Variants in ELL observed in about 807,000 individuals in gnomAD.
The protein encoded by ELL is elongation factor for RNA polymerase II.
A neutral mutation model predicts 64.0 loss-of-function variants in ELL; 18 were observed. That is an observed-to-expected ratio of 0.28 (90% CI 0.19 to 0.42). The LOEUF is 0.42. Ranked by LOEUF, ELL falls within the 10% of genes least tolerant of loss-of-function variation. ELL has a pLI of 1.00. For synonymous variants in ELL, 399 were observed against 376.2 expected (o/e 1.06, Z -0.70); for missense variants, 797 against 870.4 (o/e 0.92, Z 1.06).
At chr19:18,506,718 C>T (rs1439393766) in intron 1 of ELL, among the ~76,000 whole-genome samples, 4 of 152,252 alleles carry the variant, frequency 2.6e-5, no homozygotes, top group Middle Eastern at 3.4e-3. Context: ...AGCAAGACCT[C>T]GTCTGAAAAA....
rs751332511 is a variant in ELL at position 18,443,899 on chromosome 19, T to C, written c.*853A>G. The C allele has an allele frequency of 4.7e-5, 11 of 232,478 alleles. No individual in the cohort carries two copies. Among genetic ancestry groups the C allele is most frequent in the Non-Finnish European group, 7.6e-5 (9 of 117,732 alleles). The allele number at this position is 232,478 out of a possible 1,614,324, so 14.4% of individuals were successfully genotyped here. A position where few individuals can be genotyped will look rare whatever the true frequency, so the allele number is the denominator to read the frequency against. ...TCGAGACCACAAGGTCTCAACAGTG[T>C]GGAATGAGCAGCAGCAGCAACAAAT... On this transcript the variant is annotated 3_prime_UTR_variant, in exon 12 of 12. Coordinates refer to ENST00000262809, the MANE Select transcript of ELL (RefSeq NM_006532.4).
intron 2 of ELL, among the ~76,000 whole-genome samples, chr19:18,468,012 CCACA>C (rs571227869): frequency 2.7e-5 from 4 of 148,640 alleles, no homozygotes; most frequent in African/African-American, 9.9e-5. Flanking sequence ...CAAACACAAC[CCACA>C]CACACAACCC....
At chr19:18,448,085 G>A (rs918763641) in intron 8 of ELL, among the ~76,000 whole-genome samples, 23 of 150,414 alleles carry the variant, frequency 1.5e-4, no homozygotes, top group African/African-American at 3.9e-4. Context: ...CACACCTGGC[G>A]AATTTTTTTT....
intron 2 of ELL, among the ~76,000 whole-genome samples, chr19:18,470,278 G>A (rs189971573): frequency 4.6e-5 from 7 of 152,390 alleles, no homozygotes; most frequent in Non-Finnish European, 7.3e-5. Context: ...TGTGTGCTTC[G>A]GCCATGGCCA....
In ELL at chr19:18,461,783, G is replaced by C; in HGVS notation, c.539C>G (p.Thr180Ser). 1 of 1,614,172 alleles carries C rather than the reference G, an allele frequency of 6.2e-7. No homozygotes were observed. Among genetic ancestry groups the C allele is most frequent in the Non-Finnish European group, 8.5e-7 (1 of 1,180,046 alleles). The part of the protein sequence containing the change: ...TDAVPSRKRA[T>S]PINLASAIRK... ...GATGGCACTCGCCAAGTTGATGGGG[G>C]TTGCCCGCTTCCGGGAGGGCACCGC... Residue 180 changes from threonine (T) to serine (S), a missense_variant, in exon 5 of 12, where the codon ACC becomes AGC. Thr to Ser is a moderately conservative substitution (Grantham distance 58). Transcript: ENST00000262809.
At chr19:18,453,028 T>G (rs1422544520) in intron 6 of ELL, among the ~76,000 whole-genome samples, 1 of 151,956 alleles carries the variant, frequency 6.6e-6, no homozygotes, top group Non-Finnish European at 1.5e-5. Flanking sequence ...TCCCAGCACT[T>G]TGGGAGGCCA....
At chr19:18,509,589 GCGCGCACATACACACACACACACA>G (rs1215458046) in intron 1 of ELL, among the ~76,000 whole-genome samples, 4 of 110,144 alleles carry the variant, frequency 3.6e-5, no homozygotes, top group African/African-American at 1.3e-4. Flanking sequence ...ACGTGCGCGC[GCGCGCACATACACACACACACACA>G]CACACACACA....
intron 10 of ELL, chr19:18,445,546 G>A (rs1974394579): frequency 3.1e-6 from 1 of 326,790 alleles, no homozygotes; most frequent in East Asian, 6.3e-5. Context: ...GTGGGGGGGT[G>A]GGGAGGGGGT....
chr19:18,450,818 G>A lies in ELL; in HGVS notation c.1124C>T (p.Thr375Met), dbSNP rs374783990. Reference protein sequence around the residue: ...LLPTPGPPASTDTLSSSTHLP... With the variant: ...LLPTPGPPASMDTLSSSTHLP... ...GTGAGTGCTGGAGCTGAGGGTGTCC[G>A]TGCTGGCTGGTGGGCCCGGGGTGGG... Residue 375 changes from threonine (T) to methionine (M), a missense_variant, in exon 8 of 12, where the codon ACG (threonine) becomes ATG (methionine). Thr to Met is a moderately conservative substitution (Grantham distance 81). Transcript: ENST00000262809. The A allele has an allele frequency of 7.6e-5, 120 of 1,586,014 alleles. 1 individual carries two copies. In the African/African-American group the frequency reaches 8.3e-4, roughly 11 times the overall value.
In ELL at chr19:18,465,790, G is replaced by A. The variant is rs939332145; in HGVS notation, c.305+7C>T. Reference sequence around the variant, plus strand: ...GCGGGGTGCTCTGGGGTGGGGCGGCGCCTCACCTGGAGACATACTGCTGGA... The same window carrying A: ...GCGGGGTGCTCTGGGGTGGGGCGGCACCTCACCTGGAGACATACTGCTGGA... On this transcript the variant is annotated splice_region_variant and intron_variant, in intron 3 of 11. Transcript: ENST00000262809. The A allele has an allele frequency of 1.8e-5, 26 of 1,418,648 alleles. No homozygotes were observed. Among genetic ancestry groups the A allele is most frequent in the Admixed American group, 1.1e-4 (4 of 36,746 alleles). 87.9% of individuals were successfully genotyped at this position (1,418,648 alleles called of 1,614,324 possible).
At chr19:18,513,559 T>C (rs1976070971) in intron 1 of ELL, among the ~76,000 whole-genome samples, 3 of 152,028 alleles carry the variant, frequency 2.0e-5, no homozygotes, top group Admixed American at 2.0e-4. Context: ...TAATTTTAGG[T>C]ACATTGCAGG....
rs777558208 is a variant in ELL, at chr19:18,450,521, G to C, written c.1421C>G (p.Ala474Gly). ...DKPRAQLPDCAPATHATPGAP... is the reference protein window; with the variant it reads ...DKPRAQLPDCGPATHATPGAP... ...TCCGGGGGTGGCATGGGTGGCAGGTGCACAGTCTGGAAGCTGGGCCCGGGG... is the reference window on the plus strand; with the variant it reads ...TCCGGGGGTGGCATGGGTGGCAGGTCCACAGTCTGGAAGCTGGGCCCGGGG... The change falls in exon 8 of 12, where the codon GCA becomes GGA. Residue 474 changes from alanine (A) to glycine (G), a missense_variant. By Grantham distance (60) the Ala-to-Gly change is moderately conservative. Coordinates refer to ENST00000262809, the MANE Select transcript of ELL (RefSeq NM_006532.4). 2 of 1,613,270 alleles carry C rather than the reference G, an allele frequency of 1.2e-6. No homozygotes were observed. Among genetic ancestry groups the C allele is most frequent in the Non-Finnish European group, 1.7e-6 (2 of 1,179,940 alleles).
At chr19:18,492,879 G>A (rs1281868338) in intron 1 of ELL, among the ~76,000 whole-genome samples, 5 of 152,138 alleles carry the variant, frequency 3.3e-5, no homozygotes, top group African/African-American at 9.7e-5. Flanking sequence ...AAATGGGGCC[G>A]TGAAGTCCCA....
chr19:18,468,065 C>A (rs1340571851), intron 2 of ELL, among the ~76,000 whole-genome samples: 1 of 144,358 alleles, frequency 6.9e-6, no homozygotes, highest in Non-Finnish European at 1.5e-5. Context: ...CACACACAAA[C>A]CCCTCCACAC....
chr19:18,458,205 C>T lies in ELL; in HGVS notation c.869G>A (p.Arg290Gln), dbSNP rs1302090596. 1.2e-6 allele frequency: 2 copies of T among 1,608,918 alleles called. No individual in the cohort carries two copies. The highest frequency in any genetic ancestry group is 1.1e-5 in the South Asian group (1 of 91,056). Reference sequence around the variant, plus strand: ...GCTGGGGGATGGGAGGCGGCATTACCGGACGAGCACCCGCTTCAGCAGCTG... The same window carrying T: ...GCTGGGGGATGGGAGGCGGCATTACTGGACGAGCACCCGCTTCAGCAGCTG... Reference protein sequence around the residue: ...DQQLLKRVLVRKLCQPQSTGS... With the variant: ...DQQLLKRVLVQKLCQPQSTGS... Residue 290 changes from arginine to glutamine, a missense_variant and splice_region_variant, in exon 6 of 12, where the codon CGG becomes CAG. Arg to Gln is a conservative substitution (Grantham distance 43, BLOSUM62 1). Coordinates refer to ENST00000262809, the MANE Select transcript of ELL (RefSeq NM_006532.4).
At position 18,461,620 on chromosome 19, in the gene ELL, C is replaced by T; in HGVS notation, c.702G>A (p.Leu234=). 6.2e-7 allele frequency: 1 copy of T among 1,609,202 alleles called. No individual in the cohort carries two copies. The highest frequency in any genetic ancestry group is 1.1e-5 in the South Asian group (1 of 91,048). ...ELLLRLQKDG[L]TQADKDALDG... is the part of the protein sequence containing the mutation. ...CCAGCGCGTCCTTGTCCGCCTGCGT[C>T]AGGCCGTCCTTCTGCAGTCGCAGCA... Residue 234 remains leucine (L), a synonymous_variant, in exon 5 of 12, where the codon CTG becomes CTA. Transcript: ENST00000262809.
At chr19:18,467,235 C>T (rs1470107220) in intron 2 of ELL, among the ~76,000 whole-genome samples, 2 of 152,128 alleles carry the variant, frequency 1.3e-5, no homozygotes, top group Admixed American at 1.3e-4. Context: ...GCCAGTCTGC[C>T]CGGCCTGCAG....
chr19:18,497,660 T>C (rs527666889), intron 1 of ELL, among the ~76,000 whole-genome samples: 5 of 151,806 alleles, frequency 3.3e-5, no homozygotes, highest in Non-Finnish European at 5.9e-5. Flanking sequence ...AAAAAAATTT[T>C]TTTTAAATTA....
At chr19:18,463,749 T>C (rs569327620) in intron 4 of ELL, among the ~76,000 whole-genome samples, 4 of 150,080 alleles carry the variant, frequency 2.7e-5, no homozygotes, top group African/African-American at 9.8e-5. Flanking sequence ...GATGCTGAGG[T>C]GGGCGGATTA....
Sources: gnomAD v4.1 joint callset for allele counts (sites outside exome capture counted in the v4.1 genomes callset) on GRCh38, gnomAD v4.1.1 for gene constraint, MANE v1.5 for transcripts, NCBI Gene and HGNC (gene_info 2026-07-23, HGNC 2026-07-21) for gene names.